Variants in VAV2 observed in about 807,000 individuals in gnomAD.
VAV2 encodes vav guanine nucleotide exchange factor 2, also known as guanine nucleotide exchange factor VAV2.
Under a neutral mutation model 132.5 loss-of-function variants are expected in VAV2, and 67 were observed. That is an observed-to-expected ratio of 0.51 (90% CI 0.42 to 0.62). The LOEUF (loss-of-function observed/expected upper bound fraction) is 0.62. Among genes scored for constraint, VAV2 ranks in the 20% least tolerant of loss-of-function variants. The probability of loss-of-function intolerance (pLI) is 0.00; values close to 1 mark genes in which losing one functional copy is unlikely to be tolerated. For synonymous variants in VAV2, 492 were observed against 443.5 expected, an observed-to-expected ratio of 1.11 and a Z score of -1.37; for missense variants, 938 against 1,153.6, an observed-to-expected ratio of 0.81 and a Z score of 2.71.
At chr9:133,790,726 A>T (rs1834421337) in intron 13 of VAV2, among the ~76,000 whole-genome samples, 1 of 151,950 alleles carries the variant, frequency 6.6e-6, no homozygotes, top group Non-Finnish European at 1.5e-5. Flanking sequence ...AATGCCCTTC[A>T]GAAGCTTATT....
chr9:133,934,462 T>G (rs1191096303), intron 2 of VAV2, among the ~76,000 whole-genome samples: 2 of 152,208 alleles, frequency 1.3e-5, no homozygotes, highest in African/African-American at 4.8e-5. Flanking sequence ...GAGACTGGCC[T>G]GTGAGCAGGT....
intron 19 of VAV2, 42 bp downstream of exon 19, chr9:133,783,461 C>T (rs754520846): frequency 9.1e-6 from 14 of 1,546,432 alleles, no homozygotes; most frequent in African/African-American, 6.6e-5. Context: ...AGTGAGCAGG[C>T]GTGGCCAGGG....
intron 2 of VAV2, among the ~76,000 whole-genome samples, chr9:133,932,395 G>A (rs537535948): frequency 6.6e-5 from 10 of 152,264 alleles, no homozygotes; most frequent in East Asian, 1.9e-4. Flanking sequence ...ACAGGAAGCC[G>A]GACACAACTT....
rs1343249036 is a variant in VAV2, at chr9:133,879,080, T to C, written c.322-17648A>G. On this transcript the variant is annotated intron_variant, in intron 2 of 29. Transcript: ENST00000371850. The surrounding 1 kb of genome is among the most constrained non-coding windows in gnomAD (Gnocchi z 4.4). ...CCCCCATCCCAGGCATCCTGTGACATAGTCTTCCAGAGGGGACCGGGCCGG... is the reference window on the plus strand; with the variant it reads ...CCCCCATCCCAGGCATCCTGTGACACAGTCTTCCAGAGGGGACCGGGCCGG... Among the ~76,000 whole-genome samples, 1 of 152,156 alleles carries C rather than the reference T, an allele frequency of 6.6e-6. No individual in the cohort carries two copies. The highest frequency in any genetic ancestry group is 1.5e-5 in the Non-Finnish European group (1 of 68,018).
intron 1 of VAV2, chr9:133,939,442 A>G: frequency 1.7e-6 from 1 of 587,906 alleles, no homozygotes; most frequent in Non-Finnish European, 3.0e-6. Context: ...GGAAGCAGGC[A>G]GACCAGCTCC....
intron 1 of VAV2, among the ~76,000 whole-genome samples, chr9:133,950,850 C>T (rs1276916538): frequency 2.6e-5 from 4 of 152,112 alleles, no homozygotes; most frequent in African/African-American, 7.2e-5. Context: ...AAGCGGCCTC[C>T]GAGGTCAACA....
intron 1 of VAV2, among the ~76,000 whole-genome samples, chr9:133,974,753 G>A (rs545682602): frequency 2.7e-5 from 3 of 111,772 alleles, no homozygotes; most frequent in Non-Finnish European, 5.9e-5. Context: ...GTGCGCCGCG[G>A]ACAGATAGGT....
At chr9:133,778,077 G>T (rs1379401339) in intron 22 of VAV2, among the ~76,000 whole-genome samples, 2 of 152,084 alleles carry the variant, frequency 1.3e-5, no homozygotes, top group Non-Finnish European at 2.9e-5. Flanking sequence ...ACGCCCGGGT[G>T]CCAGCATGCT....
Position 133,824,948 on chromosome 9 carries a change from G to A in VAV2, c.449+9324C>T, listed in dbSNP as rs1375026363. Reference sequence around the variant, plus strand: ...CTTGACAGAGGGACCCTCCGGGGACGCTGGCTTCATTCACTCCATTCTGCC... The same window carrying A: ...CTTGACAGAGGGACCCTCCGGGGACACTGGCTTCATTCACTCCATTCTGCC... On this transcript the variant is annotated intron_variant, in intron 4 of 29. Coordinates refer to ENST00000371850, the MANE Select transcript of VAV2 (RefSeq NM_001134398.2). The surrounding 1 kb of genome is among the most constrained non-coding windows in gnomAD (Gnocchi z 5.2). Among the ~76,000 whole-genome samples the A allele has an allele frequency of 6.6e-6, 1 of 152,200 alleles. No individual in the cohort carries two copies. Among genetic ancestry groups the A allele is most frequent in the Non-Finnish European group, 1.5e-5 (1 of 68,038 alleles).
At position 133,863,385 on chromosome 9, in the gene VAV2, A is replaced by G. The variant is rs1394978861; in HGVS notation, c.322-1953T>C. ...CTGACACACAAGAACCTGTTTGTCA[A>G]CCTGGAGTCAGCGCAAAGGCCCCAG... On this transcript the variant is annotated intron_variant, in intron 2 of 29. Transcript: ENST00000371850. This position sits in a 1 kb window ranked among gnomAD's most constrained non-coding sequence, Gnocchi z 5.0. Among the ~76,000 whole-genome samples, 4 of 152,140 alleles carry G rather than the reference A, an allele frequency of 2.6e-5. No homozygotes were observed. Among genetic ancestry groups the G allele is most frequent in the Non-Finnish European group, 4.4e-5 (3 of 68,010 alleles).
chr9:133,895,645 TG>T (rs1031180891), intron 2 of VAV2, among the ~76,000 whole-genome samples: 7 of 150,880 alleles, frequency 4.6e-5, no homozygotes, highest in Admixed American at 4.6e-4. Flanking sequence ...TGGGGAAATT[TG>T]GGGGGGATGA....
chr9:133,824,606 C>A lies in VAV2; in HGVS notation c.449+9666G>T, dbSNP rs914301784. ...CCCTCCTGGCTTGTCAGGGTCTGCC[C>A]CCAGAGGCTGCTGCCTGGACAGCAC... is the stretch of plus-strand genomic sequence containing the variant. On this transcript the variant is annotated intron_variant, in intron 4 of 29. Coordinates refer to ENST00000371850, the MANE Select transcript of VAV2 (RefSeq NM_001134398.2). The surrounding 1 kb of genome is among the most constrained non-coding windows in gnomAD (Gnocchi z 5.2). 6.6e-6 allele frequency among the ~76,000 whole-genome samples: 1 copy of A among 152,150 alleles called. No homozygotes were observed. The highest frequency in any genetic ancestry group is 2.4e-5 in the African/African-American group (1 of 41,426).
At chr9:133,811,609 G>A (rs527706726) in intron 5 of VAV2, among the ~76,000 whole-genome samples, 20 of 152,306 alleles carry the variant, frequency 1.3e-4, no homozygotes, top group African/African-American at 3.1e-4. Flanking sequence ...GAGATTATTC[G>A]CCAGTGCCTG....
At chr9:133,954,797 ATGTATGTACCAG>A (rs1841694612) in intron 1 of VAV2, among the ~76,000 whole-genome samples, 1 of 152,118 alleles carries the variant, frequency 6.6e-6, no homozygotes, top group African/African-American at 2.4e-5. Flanking sequence ...CATGCTCATG[ATGTATGTACCAG>A]TGTATGTATG....
chr9:133,881,993 G>C (rs560181221), intron 2 of VAV2, among the ~76,000 whole-genome samples: 1 of 152,178 alleles, frequency 6.6e-6, no homozygotes, highest in Non-Finnish European at 1.5e-5. Flanking sequence ...AAAGGAGGGC[G>C]TCAAGGTTTC....
At chr9:133,795,979 G>A (rs776791642) in intron 11 of VAV2, among the ~76,000 whole-genome samples, 2 of 152,248 alleles carry the variant, frequency 1.3e-5, no homozygotes, top group Non-Finnish European at 2.9e-5. Flanking sequence ...GGGAGTGACC[G>A]TGAGAAGGGC....
intron 4 of VAV2, among the ~76,000 whole-genome samples, 176 bp from the exon 5 acceptor site, chr9:133,812,392 C>T (rs939122157): frequency 2.6e-5 from 4 of 152,220 alleles, no homozygotes; most frequent in African/African-American, 4.8e-5. Context: ...TCTGTGGGTG[C>T]GAACTGGGCA....
intron 1 of VAV2, among the ~76,000 whole-genome samples, chr9:133,964,043 A>G (rs1265092416): frequency 1.0e-5 from 1 of 97,356 alleles, no homozygotes; most frequent in East Asian, 3.9e-4. Flanking sequence ...ATATATATAT[A>G]TATATACATA....
chr9:133,878,031 T>G (rs1167881490), intron 2 of VAV2, among the ~76,000 whole-genome samples: 1 of 152,048 alleles, frequency 6.6e-6, no homozygotes, highest in East Asian at 1.9e-4. Context: ...CACCCCCCAC[T>G]ATTTCTCCCC....
Sources: gnomAD v4.1 joint callset for allele counts (sites outside exome capture counted in the v4.1 genomes callset) on GRCh38, gnomAD v4.1.1 for gene constraint, Gnocchi (gnomAD v3.1) non-coding constraint, MANE v1.5 for transcripts, NCBI Gene and HGNC (gene_info 2026-07-23, HGNC 2026-07-21) for gene names.